RHBDL2: variants seen among roughly 807,000 people sequenced by gnomAD.
RHBDL2 encodes rhomboid like 2, also known as rhomboid-related protein 2.
Under a neutral mutation model 31.7 loss-of-function variants are expected in RHBDL2, and 26 were observed. The observed-to-expected ratio is 0.82, with a 90% CI of 0.60 to 1.14. RHBDL2 has a LOEUF of 1.14. RHBDL2 is among the 50% of genes most tolerant of loss of function. RHBDL2 has a pLI of 0.00. For synonymous variants in RHBDL2, 123 were observed against 127.2 expected, an observed-to-expected ratio of 0.97 and a Z score of 0.22; for missense variants, 336 against 364.4, an observed-to-expected ratio of 0.92 and a Z score of 0.63.
At chr1:38,892,191 G>A (rs1442726784) in intron 6 of RHBDL2, among the ~76,000 whole-genome samples, 3 of 151,746 alleles carry the variant, frequency 2.0e-5, no homozygotes, top group Non-Finnish European at 4.4e-5. Flanking sequence ...CCTGCCCCCC[G>A]CTCCCCCAAC....
At chr1:38,904,974 T>C (rs1643044206) in intron 4 of RHBDL2, among the ~76,000 whole-genome samples, 1 of 150,060 alleles carries the variant, frequency 6.7e-6, no homozygotes, top group South Asian at 2.1e-4. Flanking sequence ...GAGCTTGCAG[T>C]GAGCCGAGAT....
intron 4 of RHBDL2, among the ~76,000 whole-genome samples, chr1:38,898,810 C>A (rs1359428585): frequency 1.3e-5 from 2 of 152,130 alleles, no homozygotes; most frequent in Non-Finnish European, 2.9e-5. Context: ...TTACCCAAGC[C>A]AAGGAAAGAA....
chr1:38,924,534 C>A (rs1643351373), intron 1 of RHBDL2, among the ~76,000 whole-genome samples: 1 of 151,792 alleles, frequency 6.6e-6, no homozygotes, highest in African/African-American at 2.4e-5. Context: ...GCGGAGGTTG[C>A]AGTGAGCCGA....
chr1:38,911,492 T>C, intron 3 of RHBDL2, 58 bp from the exon 4 acceptor site: 3 of 1,150,646 alleles, frequency 2.6e-6, no homozygotes, highest in East Asian at 2.4e-5. Context: ...GTTATTTCCC[T>C]GGGAGATGAA....
chr1:38,911,645 T>TGC (rs1195021985), intron 3 of RHBDL2, among the ~76,000 whole-genome samples: 31 of 64,050 alleles, frequency 4.8e-4, no homozygotes, highest in African/African-American at 9.8e-4. Flanking sequence ...TGTGTGTGTG[T>TGC]GCGCGCGCGC....
At chr1:38,936,149 C>A (rs889956163) in intron 1 of RHBDL2, among the ~76,000 whole-genome samples, 2 of 152,138 alleles carry the variant, frequency 1.3e-5, no homozygotes, top group African/African-American at 4.8e-5. Context: ...GTGATCCTCT[C>A]ACTTCGACCT....
intron 1 of RHBDL2, among the ~76,000 whole-genome samples, chr1:38,939,112 G>A (rs753336258): frequency 6.6e-6 from 1 of 152,202 alleles, no homozygotes; most frequent in African/African-American, 2.4e-5. Context: ...AATGAATGAT[G>A]TAGGAATGAG....
intron 4 of RHBDL2, among the ~76,000 whole-genome samples, chr1:38,903,675 C>A (rs1002768106): frequency 1.3e-5 from 2 of 152,124 alleles, no homozygotes; most frequent in Non-Finnish European, 2.9e-5. Flanking sequence ...AGATTCAATG[C>A]AATCCAAATC....
chr1:38,935,117 C>T (rs1643482734), intron 1 of RHBDL2, among the ~76,000 whole-genome samples: 1 of 152,090 alleles, frequency 6.6e-6, no homozygotes, highest in African/African-American at 2.4e-5. Context: ...TCATCCAAAC[C>T]TTAGAGCTAC....
At chr1:38,912,986 T>TA (rs1557616015) in intron 3 of RHBDL2, among the ~76,000 whole-genome samples, 3 of 44,998 alleles carry the variant, frequency 6.7e-5, no homozygotes, top group Admixed American at 2.3e-4. Context: ...GTGTGTGTAT[T>TA]TTTTTTTTTT....
intron 1 of RHBDL2, among the ~76,000 whole-genome samples, chr1:38,939,724 T>A (rs947621132): frequency 1.3e-5 from 2 of 152,086 alleles, no homozygotes; most frequent in African/African-American, 4.8e-5. Flanking sequence ...TTATTTTTTG[T>A]AGAGAAGAGG....
chr1:38,908,638 C>CCCTGCTG (rs1643100978), intron 4 of RHBDL2, among the ~76,000 whole-genome samples: 1 of 151,974 alleles, frequency 6.6e-6, no homozygotes, highest in Admixed American at 6.6e-5. Flanking sequence ...TTCTTCAGTG[C>CCCTGCTG]CCTGCTGCTC....
chr1:38,940,572 A>C (rs926558020), intron 1 of RHBDL2, among the ~76,000 whole-genome samples: 2 of 152,080 alleles, frequency 1.3e-5, no homozygotes, highest in African/African-American at 4.8e-5. Flanking sequence ...TTTCAAGGCC[A>C]GGGGTTGTCT....
chr1:38,920,370 G>T lies in RHBDL2; in HGVS notation c.-125-1033C>A, dbSNP rs559298212. Reference sequence around the variant, plus strand: ...TTTAGTAGAGACAGGGTTTCACCATGTTGGCCAGGCTAGTCTCGAACTCCC... The same window carrying T: ...TTTAGTAGAGACAGGGTTTCACCATTTTGGCCAGGCTAGTCTCGAACTCCC... On this transcript the variant is annotated intron_variant, in intron 1 of 7. Transcript: ENST00000372990. Among the ~76,000 whole-genome samples, 4 of 151,836 alleles carry T rather than the reference G, an allele frequency of 2.6e-5. No individual in the cohort carries two copies. In the South Asian group the frequency reaches 6.3e-4, roughly 24 times the overall value.
intron 4 of RHBDL2, among the ~76,000 whole-genome samples, chr1:38,896,472 G>A (rs962795034): frequency 2.0e-5 from 3 of 152,158 alleles, no homozygotes; most frequent in Non-Finnish European, 4.4e-5. Context: ...ACTGCTTGAT[G>A]TGTATTATAT....
intron 1 of RHBDL2, among the ~76,000 whole-genome samples, chr1:38,930,731 C>T (rs1027083472): frequency 1.3e-5 from 2 of 152,208 alleles, no homozygotes; most frequent in Admixed American, 6.5e-5. Flanking sequence ...CCACTTCCCC[C>T]TTAATTCAAG....
At chr1:38,919,958 C>A (rs1453346606) in intron 1 of RHBDL2, among the ~76,000 whole-genome samples, 1 of 152,124 alleles carries the variant, frequency 6.6e-6, no homozygotes, top group East Asian at 1.9e-4. Flanking sequence ...AGTTCCAAAA[C>A]TTTTTCATCA....
rs1453644096 is a variant in RHBDL2 at position 38,919,197 on chromosome 1, C to T, written c.16G>A (p.Asp6Asn). 6.2e-7 allele frequency: 1 copy of T among 1,614,110 alleles called. No homozygotes were observed. Among genetic ancestry groups the T allele is most frequent in the African/African-American group, 1.3e-5 (1 of 75,022 alleles). The part of the protein sequence containing the change: MAAVH[D>N]LEMESMNLNM... ...AGATTCATGCTCTCCATCTCCAGATCATGAACAGCAGCCATTGTCCTGGGT... is the reference window on the plus strand; with the variant it reads ...AGATTCATGCTCTCCATCTCCAGATTATGAACAGCAGCCATTGTCCTGGGT... The change falls in exon 2 of 8, where the codon GAT becomes AAT. Residue 6 changes from aspartate (D) to asparagine (N), a missense_variant. By Grantham distance (23) the Asp-to-Asn change is conservative. Coordinates refer to ENST00000372990, the MANE Select transcript of RHBDL2 (RefSeq NM_017821.5).
At chr1:38,914,124 A>T (rs1422479474) in intron 3 of RHBDL2, among the ~76,000 whole-genome samples, 1 of 152,056 alleles carries the variant, frequency 6.6e-6, no homozygotes, top group East Asian at 1.9e-4. Flanking sequence ...TCAAAAAAAA[A>T]AAAGAAAGAA....
Sources: allele counts gnomAD v4.1 joint callset (sites outside exome capture counted in the v4.1 genomes callset), GRCh38; gene constraint gnomAD v4.1.1; transcripts MANE v1.5; gene names NCBI Gene and HGNC (gene_info 2026-07-23, HGNC 2026-07-21).